Variants in TMLHE observed in about 807,000 individuals in gnomAD.
The protein encoded by TMLHE is trimethyllysine hydroxylase, epsilon, also known as trimethyllysine dioxygenase, mitochondrial.
TMLHE carries 18 observed loss-of-function variants against 25.7 expected under a neutral mutation model. The ratio of observed to expected loss-of-function variants is 0.70; its 90% confidence interval spans 0.48 to 1.04. The LOEUF is 1.04. Ranked by LOEUF, TMLHE falls within the 50% of genes least tolerant of loss-of-function variation. The pLI, the probability that TMLHE is intolerant of heterozygous loss-of-function variation, is 0.00. For synonymous variants in TMLHE, 105 were observed against 97.0 expected (o/e 1.08, Z -0.49); for missense variants, 236 against 259.0 (o/e 0.91, Z 0.61).
At chrX:155,568,789 G>T (rs1365031504) in intron 1 of TMLHE, among the ~76,000 whole-genome samples, 813 of 61,346 alleles carry the variant, frequency 0.013, 90 homozygotes, top group African/African-American at 0.028. Flanking sequence ...CTGTTAGAAG[G>T]AAAACTAACA....
At chrX:155,578,299 C>G (rs782682455) in intron 1 of TMLHE, among the ~76,000 whole-genome samples, 1 of 111,558 alleles carries the variant, frequency 9.0e-6, no homozygotes, top group Admixed American at 9.5e-5. Context: ...CCCTGCCTAT[C>G]ACAGCTATAG....
At chrX:155,609,789 G>A (rs2067808638) in intron 1 of TMLHE, among the ~76,000 whole-genome samples, 1 of 111,739 alleles carries the variant, frequency 8.9e-6, no homozygotes, top group African/African-American at 3.3e-5. Context: ...TGCTCAATTA[G>A]CCATTAAGGA....
At chrX:155,573,731 G>C (rs1268053992) in intron 1 of TMLHE, among the ~76,000 whole-genome samples, 1 of 49,942 alleles carries the variant, frequency 2.0e-5, no homozygotes, top group African/African-American at 4.8e-5. Context: ...ACTATCACAA[G>C]AACAAAAAAC....
intron 1 of TMLHE, among the ~76,000 whole-genome samples, chrX:155,567,732 G>A (rs1400829999): frequency 4.8e-5 from 3 of 61,918 alleles, no homozygotes; most frequent in African/African-American, 1.1e-4. Flanking sequence ...CACCAGCCCT[G>A]TGGCATGGTC....
At chrX:155,511,393 T>A (rs2067111203) in intron 5 of TMLHE, among the ~76,000 whole-genome samples, 2 of 107,465 alleles carry the variant, frequency 1.9e-5, no homozygotes, top group African/African-American at 3.3e-5. Context: ...GCTTTCTGTA[T>A]AGCCTGCAGA....
intron 1 of TMLHE, among the ~76,000 whole-genome samples, chrX:155,568,604 C>T (rs1557342481): frequency 1.6e-5 from 1 of 62,164 alleles, no homozygotes; most frequent in African/African-American, 3.6e-5. Context: ...CAGACTGACA[C>T]CTCACACGGC....
At chrX:155,576,647 T>C (rs1214290761) in intron 1 of TMLHE, among the ~76,000 whole-genome samples, 1 of 111,741 alleles carries the variant, frequency 8.9e-6, no homozygotes, top group African/African-American at 3.3e-5. Context: ...ATGGTACTGG[T>C]ACAAAAACAA....
chrX:155,540,563 GGAT>G (rs1557338066), intron 2 of TMLHE, among the ~76,000 whole-genome samples: 1 of 111,306 alleles, frequency 9.0e-6, no homozygotes, highest in Non-Finnish European at 1.9e-5. Flanking sequence ...TGAAGAAAAA[GGAT>G]GATAAATAGC....
chrX:155,512,712 C>G (rs1238160640), intron 4 of TMLHE, among the ~76,000 whole-genome samples: 1 of 111,118 alleles, frequency 9.0e-6, no homozygotes, highest in Non-Finnish European at 1.9e-5. Context: ...CTGAAGAGTT[C>G]TCATATTATT....
intron 3 of TMLHE, among the ~76,000 whole-genome samples, chrX:155,522,178 T>C (rs1334372386): frequency 2.7e-5 from 3 of 112,626 alleles, no homozygotes; most frequent in African/African-American, 9.7e-5. Flanking sequence ...TTTTTTCTAT[T>C]GTAGAGAAAT....
At chrX:155,577,199 T>A (rs1244088980) in intron 1 of TMLHE, among the ~76,000 whole-genome samples, 1 of 111,606 alleles carries the variant, frequency 9.0e-6, no homozygotes, top group African/African-American at 3.3e-5. Flanking sequence ...GCAAAACACA[T>A]GAACAGATAC....
At chrX:155,557,982 A>G (rs1366259260) in intron 1 of TMLHE, among the ~76,000 whole-genome samples, 2 of 110,777 alleles carry the variant, frequency 1.8e-5, no homozygotes, top group African/African-American at 3.3e-5. Flanking sequence ...TGACCTATCC[A>G]CTCTTGCCCT....
intron 6 of TMLHE, among the ~76,000 whole-genome samples, chrX:155,506,387 A>G (rs939012427): frequency 1.8e-5 from 2 of 111,537 alleles, no homozygotes; most frequent in Admixed American, 9.6e-5. Flanking sequence ...TGGCTTGGGA[A>G]ACTTAGTGGA....
At chrX:155,569,861 A>G (rs782552423) in intron 1 of TMLHE, among the ~76,000 whole-genome samples, 1 of 56,711 alleles carries the variant, frequency 1.8e-5, no homozygotes, top group African/African-American at 4.2e-5. Flanking sequence ...GGAACAACTG[A>G]TACCAGCCAC....
intron 1 of TMLHE, among the ~76,000 whole-genome samples, chrX:155,546,109 T>C (rs1235078481): frequency 1.8e-5 from 2 of 110,770 alleles, no homozygotes; most frequent in African/African-American, 3.3e-5. Context: ...ATTTCTTCCT[T>C]TGTAAAATGA....
intron 1 of TMLHE, among the ~76,000 whole-genome samples, chrX:155,567,565 C>G (rs1400257975): frequency 1.6e-5 from 1 of 62,077 alleles, no homozygotes; most frequent in Non-Finnish European, 4.5e-5. Context: ...CAAAAATAAA[C>G]TGGACAAAGT....
rs6642230 is a variant in TMLHE, at chrX:155,599,259, C to T, written c.-2+13533G>A. Among the ~76,000 whole-genome samples, 668 of 111,223 alleles carry T rather than the reference C, an allele frequency of 6.0e-3. 3 individuals are homozygous for T. Among genetic ancestry groups the T allele is most frequent in the African/African-American group, 0.021 (630 of 30,594 alleles). ...GTACTTCCATATTATACAAACTCTT[C>T]CTGAGAACAAATAAAGAGAAAATAC... On this transcript the variant is annotated intron_variant, in intron 1 of 7. Coordinates refer to ENST00000334398, the MANE Select transcript of TMLHE (RefSeq NM_018196.4).
chrX:155,581,232 A>G (rs2067625787), intron 1 of TMLHE, among the ~76,000 whole-genome samples: 1 of 111,569 alleles, frequency 9.0e-6, no homozygotes. Context: ...GAATGGGCAA[A>G]AACTGGAAGC....
chrX:155,513,909 T>G (rs1399381901), intron 4 of TMLHE, 77 bp downstream of exon 4: 2 of 1,028,046 alleles, frequency 1.9e-6, no homozygotes, highest in Non-Finnish European at 2.6e-6. Context: ...TGACCATACC[T>G]GTTACATTTA....
Sources: gnomAD v4.1 joint callset for allele counts (sites outside exome capture counted in the v4.1 genomes callset) on GRCh38, gnomAD v4.1.1 for gene constraint, MANE v1.5 for transcripts, NCBI Gene and HGNC (gene_info 2026-07-23, HGNC 2026-07-21) for gene names.